The following TPD52L1 variants were observed in gnomAD, a reference collection of about 807,000 sequenced individuals.
The protein encoded by TPD52L1 is TPD52 like 1, also known as tumor protein D53.
A neutral mutation model predicts 28.7 loss-of-function variants in TPD52L1; 18 were observed. The observed-to-expected ratio is 0.63, with a 90% confidence interval of 0.43 to 0.93. The LOEUF is 0.93. TPD52L1 is among the 40% of genes least tolerant of loss of function. The probability of loss-of-function intolerance (pLI) is 0.00; values close to 1 mark genes in which losing one functional copy is unlikely to be tolerated. For synonymous variants in TPD52L1, 75 were observed against 88.8 expected (o/e 0.84, Z 0.88); for missense variants, 203 against 254.8 (o/e 0.80, Z 1.39).
At chr6:125,219,992 G>A in intron 1 of TPD52L1, 86 bp from the exon 2 acceptor site, 1 of 911,132 alleles carries the variant, frequency 1.1e-6, no homozygotes, top group Non-Finnish European at 1.8e-6. Flanking sequence ...GTCTGTCAGT[G>A]CATCTAGTCC....
intron 3 of TPD52L1, among the ~76,000 whole-genome samples, chr6:125,241,494 G>A (rs532525898): frequency 1.9e-4 from 29 of 151,756 alleles, no homozygotes; most frequent in Non-Finnish European, 3.1e-4. Context: ...TTTCAATCTC[G>A]CTACATATTA....
In TPD52L1 at chr6:125,250,550, TA is replaced by T. The variant is rs544865899; in HGVS notation, c.386+2168del. Among the ~76,000 whole-genome samples the T allele has an allele frequency of 1.2e-3, 181 of 152,366 alleles. 1 individual carries two copies. Among genetic ancestry groups the T allele is most frequent in the African/African-American group, 3.3e-3 (138 of 41,598 alleles). ...TTTATCTTTAAGTGACCAGCTCAGT[TA>T]CAAGATGGCCCCACATGGTAGAAAT... On this transcript the variant is annotated intron_variant, in intron 4 of 6. Coordinates refer to ENST00000534000, the MANE Select transcript of TPD52L1 (RefSeq NM_003287.4).
At chr6:125,189,918 A>G (rs1003535803) in intron 1 of TPD52L1, among the ~76,000 whole-genome samples, 4 of 152,220 alleles carry the variant, frequency 2.6e-5, no homozygotes, top group Non-Finnish European at 5.9e-5. Context: ...GACAAAACAC[A>G]TAACAAAAAA....
intron 1 of TPD52L1, among the ~76,000 whole-genome samples, chr6:125,205,269 C>T (rs1183953185): frequency 6.6e-6 from 1 of 152,052 alleles, no homozygotes; most frequent in Non-Finnish European, 1.5e-5. Flanking sequence ...ACTTGGTGAC[C>T]CCGACCTGAA....
At chr6:125,261,042 A>AAG (rs1452158069) in intron 6 of TPD52L1, 1 of 138,738 alleles carries the variant, frequency 7.2e-6, no homozygotes, top group African/African-American at 3.1e-5. Context: ...GAAAGAAAGA[A>AAG]AGAAAGAAAA....
chr6:125,254,768 A>G (rs1371821120), intron 5 of TPD52L1, among the ~76,000 whole-genome samples: 1 of 152,048 alleles, frequency 6.6e-6, no homozygotes, highest in East Asian at 2.0e-4. Context: ...CAGTGCTAAA[A>G]AAGTTTGTAC....
intron 3 of TPD52L1, among the ~76,000 whole-genome samples, chr6:125,245,337 C>G (rs9482616): frequency 6.6e-6 from 1 of 152,146 alleles, no homozygotes; most frequent in Non-Finnish European, 1.5e-5. Context: ...CTGAGTTGGT[C>G]TGCCTCCAGC....
At chr6:125,200,991 G>C (rs1337778357) in intron 1 of TPD52L1, among the ~76,000 whole-genome samples, 2 of 152,122 alleles carry the variant, frequency 1.3e-5, no homozygotes, top group Non-Finnish European at 2.9e-5. Context: ...TTTCAGACAG[G>C]GTTGGCACAT....
At chr6:125,199,569 C>A (rs530287752) in intron 1 of TPD52L1, among the ~76,000 whole-genome samples, 1 of 152,246 alleles carries the variant, frequency 6.6e-6, no homozygotes, top group East Asian at 1.9e-4. Context: ...CCTGTAATCC[C>A]AGCTACTTGG....
chr6:125,259,168 G>T (rs1298907545), intron 6 of TPD52L1, among the ~76,000 whole-genome samples: 1 of 152,202 alleles, frequency 6.6e-6, no homozygotes, highest in Non-Finnish European at 1.5e-5. Flanking sequence ...AGTCGGTAAA[G>T]ATGAGTGGAA....
chr6:125,159,211 A>G (rs920035861), intron 1 of TPD52L1, among the ~76,000 whole-genome samples: 1 of 152,228 alleles, frequency 6.6e-6, no homozygotes, highest in Admixed American at 6.5e-5. Context: ...ACTTCTTTCA[A>G]TATTGGAATC....
intron 3 of TPD52L1, among the ~76,000 whole-genome samples, chr6:125,246,339 G>A (rs1796924355): frequency 6.6e-6 from 1 of 152,118 alleles, no homozygotes; most frequent in African/African-American, 2.4e-5. Flanking sequence ...ATTTGCAGTG[G>A]TGTGCCACTC....
intron 2 of TPD52L1, among the ~76,000 whole-genome samples, chr6:125,221,560 T>C (rs1315604082): frequency 1.3e-5 from 2 of 152,246 alleles, no homozygotes; most frequent in Non-Finnish European, 2.9e-5. Flanking sequence ...TTCTGGGCTG[T>C]AGGATTACTG....
chr6:125,250,702 T>C (rs1419436551), intron 4 of TPD52L1, among the ~76,000 whole-genome samples: 1 of 152,228 alleles, frequency 6.6e-6, no homozygotes, highest in Non-Finnish European at 1.5e-5. Flanking sequence ...ATTCAAACAC[T>C]AATTGGGTAC....
At chr6:125,237,296 A>T (rs1241573235) in intron 3 of TPD52L1, among the ~76,000 whole-genome samples, 1 of 152,088 alleles carries the variant, frequency 6.6e-6, no homozygotes, top group Non-Finnish European at 1.5e-5. Context: ...GGAAGTATGG[A>T]GTTTAGTTAG....
rs368146966 is a variant in TPD52L1, at chr6:125,220,097, G to T, written c.39G>T (p.Pro13=). 6.2e-7 allele frequency: 1 copy of T among 1,613,530 alleles called. No individual in the cohort carries two copies. The highest frequency in any genetic ancestry group is 8.5e-7 in the Non-Finnish European group (1 of 1,179,562). ...AQAQGLLETE[P]LQGTDEDAVA... is the part of the protein sequence containing the mutation. ...CTAAAGGTTTGTTGGAGACTGAACC[G>T]TTGCAAGGAACAGACGAAGATGCAG... is the stretch of plus-strand genomic sequence containing the variant. The change falls in exon 2 of 7, where the codon CCG becomes CCT. Residue 13 remains proline, a synonymous_variant. Coordinates refer to ENST00000534000, the MANE Select transcript of TPD52L1 (RefSeq NM_003287.4).
intron 1 of TPD52L1, among the ~76,000 whole-genome samples, chr6:125,199,772 T>C (rs979368058): frequency 3.3e-5 from 5 of 152,376 alleles, no homozygotes; most frequent in Admixed American, 2.0e-4. Context: ...TGAGCACTTA[T>C]AGCACAAATT....
At chr6:125,156,481 G>GAAAAAA (rs1790140206) in intron 1 of TPD52L1, among the ~76,000 whole-genome samples, 1 of 35,672 alleles carries the variant, frequency 2.8e-5, no homozygotes, top group African/African-American at 7.5e-5. Context: ...AAAAAAAAAA[G>GAAAAAA]AGAGAGATAC....
At chr6:125,171,299 G>A (rs1485951769) in intron 1 of TPD52L1, among the ~76,000 whole-genome samples, 5 of 152,134 alleles carry the variant, frequency 3.3e-5, no homozygotes, top group Non-Finnish European at 7.3e-5. Context: ...TGTGCATAAG[G>A]CGCCTATCAA....
Sources: gnomAD v4.1 joint callset for allele counts (sites outside exome capture counted in the v4.1 genomes callset) on GRCh38, gnomAD v4.1.1 for gene constraint, MANE v1.5 for transcripts, NCBI Gene and HGNC (gene_info 2026-07-23, HGNC 2026-07-21) for gene names.